Variants in CMKLR1 observed in about 807,000 individuals in gnomAD.
The protein encoded by CMKLR1 is chemerin-like receptor 1.
Under a neutral mutation model 8.2 loss-of-function variants are expected in CMKLR1, and 6 were observed. The observed-to-expected ratio is 0.73, with a 90% confidence interval of 0.40 to 1.44. The LOEUF (loss-of-function observed/expected upper bound fraction) is 1.44, where lower values mean the gene tolerates loss of function less well. Among genes scored for constraint, CMKLR1 ranks in the 40% most tolerant of loss-of-function variants. The pLI is 0.02. For synonymous variants in CMKLR1, 178 were observed against 181.2 expected, an observed-to-expected ratio of 0.98 and a Z score of 0.14; for missense variants, 429 against 478.0, an observed-to-expected ratio of 0.90 and a Z score of 0.96.
chr12:108,321,296 T>C (rs1238848482), intron 2 of CMKLR1, among the ~76,000 whole-genome samples: 3 of 152,048 alleles, frequency 2.0e-5, no homozygotes, highest in Non-Finnish European at 4.4e-5. Context: ...TAATGCAACA[T>C]TTTTTCAAAA....
intron 1 of CMKLR1, among the ~76,000 whole-genome samples, chr12:108,337,989 G>A (rs1295071632): frequency 1.3e-5 from 2 of 152,122 alleles, no homozygotes; most frequent in Non-Finnish European, 2.9e-5. Flanking sequence ...GGAAGTTGAG[G>A]GCTTTCCCTA....
At chr12:108,316,801 G>A (rs907636432) in intron 2 of CMKLR1, among the ~76,000 whole-genome samples, 1 of 152,172 alleles carries the variant, frequency 6.6e-6, no homozygotes, top group Non-Finnish European at 1.5e-5. Context: ...AGAAATGGGT[G>A]GGGCTTTTGC....
In CMKLR1 at chr12:108,291,747, G is replaced by T; in HGVS notation, c.*94C>A. The T allele has an allele frequency of 7.9e-7, 1 of 1,272,572 alleles. No homozygotes were observed. Among genetic ancestry groups the T allele is most frequent in the Non-Finnish European group, 1.1e-6 (1 of 911,726 alleles). The allele number at this position is 1,272,572 out of a possible 1,614,324, so 78.8% of individuals were successfully genotyped here. On this transcript the variant is annotated 3_prime_UTR_variant, in exon 4 of 4. Coordinates refer to ENST00000550402, the MANE Select transcript of CMKLR1 (RefSeq NM_001142343.2). ...CATGCAAAATGCAGTGAAAATTGGT[G>T]GATGCTAAAGAGGTTCTTGCCTTGA...
At chr12:108,307,870 G>A (rs1891449257) in intron 2 of CMKLR1, among the ~76,000 whole-genome samples, 1 of 152,110 alleles carries the variant, frequency 6.6e-6, no homozygotes, top group Non-Finnish European at 1.5e-5. Context: ...TGGGGCATGT[G>A]GACCACCCAA....
rs201961201 is a variant in CMKLR1 at position 108,292,381 on chromosome 12, G to A, written c.582C>T (p.Ser194=). 162 of 1,614,160 alleles carry A rather than the reference G, an allele frequency of 1.0e-4. No homozygotes were observed. In the African/African-American group the frequency reaches 1.8e-3, roughly 18 times the overall value. The stretch of plus-strand genomic sequence containing the variant: ...ACGAGGAAGACCCAGGTGTGGACAG[G>A]CTGAAGTTGTTGAAGCAGGATATTT... The part of the protein sequence containing the change: ...HGKISCFNNF[S]LSTPGSSSWP... Residue 194 remains serine (S), a synonymous_variant, in exon 4 of 4, where the codon AGC becomes AGT. Transcript: ENST00000550402.
intron 2 of CMKLR1, among the ~76,000 whole-genome samples, chr12:108,324,047 C>G (rs1362170823): frequency 6.6e-6 from 1 of 152,178 alleles, no homozygotes; most frequent in Non-Finnish European, 1.5e-5. Context: ...AGGTCTAGGG[C>G]TCCAGCAGGG....
intron 2 of CMKLR1, among the ~76,000 whole-genome samples, chr12:108,315,957 G>A (rs751373537): frequency 6.6e-6 from 1 of 152,152 alleles, no homozygotes; most frequent in Non-Finnish European, 1.5e-5. Context: ...TTACTGTTGG[G>A]TGAGTGAGGA....
chr12:108,290,306 A>G lies in CMKLR1; in HGVS notation c.*1535T>C, dbSNP rs1476644079. ...GAAGTTCAAATCCAAGCTCCGGCAGAGACTAGCTGGGTACCTTTGGGCAAG... is the reference window on the plus strand; with the variant it reads ...GAAGTTCAAATCCAAGCTCCGGCAGGGACTAGCTGGGTACCTTTGGGCAAG... On this transcript the variant is annotated 3_prime_UTR_variant, in exon 4 of 4. Transcript: ENST00000550402. 1 of 151,958 alleles carries G rather than the reference A, an allele frequency of 6.6e-6. No individual in the cohort carries two copies. The highest frequency in any genetic ancestry group is 1.5e-5 in the Non-Finnish European group (1 of 67,906). 9.4% of individuals were successfully genotyped at this position (151,958 alleles called of 1,614,324 possible).
intron 2 of CMKLR1, among the ~76,000 whole-genome samples, chr12:108,299,642 G>A (rs749993789): frequency 2.0e-5 from 3 of 152,160 alleles, no homozygotes; most frequent in Non-Finnish European, 4.4e-5. Context: ...TGCAGTCACC[G>A]TATAAGAGGA....
At chr12:108,304,460 G>A (rs546671938) in intron 2 of CMKLR1, among the ~76,000 whole-genome samples, 3 of 152,198 alleles carry the variant, frequency 2.0e-5, no homozygotes, top group East Asian at 1.9e-4. Flanking sequence ...TCTTTACATC[G>A]CAAAGCACTG....
At position 108,290,778 on chromosome 12, in the gene CMKLR1, G is replaced by C. The variant is rs912631492; in HGVS notation, c.*1063C>G. On this transcript the variant is annotated 3_prime_UTR_variant, in exon 4 of 4. Transcript: ENST00000550402. ...AGTCCAGCTCCAGACTCTGTCTCAA[G>C]TGACTGAGTCCTCGGACATACTCTT... is the stretch of plus-strand genomic sequence containing the variant. The C allele has an allele frequency of 3.9e-5, 6 of 152,244 alleles. No individual in the cohort carries two copies. The highest frequency in any genetic ancestry group is 1.4e-4 in the African/African-American group (6 of 41,444). The allele number at this position is 152,244 out of a possible 1,614,324, so 9.4% of individuals were successfully genotyped here.
intron 1 of CMKLR1, among the ~76,000 whole-genome samples, chr12:108,336,075 G>C (rs1247810418): frequency 2.0e-5 from 3 of 152,166 alleles, no homozygotes; most frequent in Non-Finnish European, 4.4e-5. Flanking sequence ...TTATTGTGCA[G>C]CAAAGAACCC....
chr12:108,323,181 C>A (rs981621152), intron 2 of CMKLR1, among the ~76,000 whole-genome samples: 2 of 152,170 alleles, frequency 1.3e-5, no homozygotes, highest in African/African-American at 4.8e-5. Context: ...AGTAAGGACA[C>A]TGCAAAACTA....
intron 1 of CMKLR1, among the ~76,000 whole-genome samples, chr12:108,333,871 T>C (rs1162691047): frequency 2.0e-5 from 3 of 152,248 alleles, no homozygotes; most frequent in Non-Finnish European, 4.4e-5. Context: ...GCTGCAAAAA[T>C]CTAGAGGTTC....
chr12:108,311,156 T>C (rs1294562355), intron 2 of CMKLR1, among the ~76,000 whole-genome samples: 3 of 152,162 alleles, frequency 2.0e-5, no homozygotes, highest in Non-Finnish European at 2.9e-5. Flanking sequence ...GTGATGACGA[T>C]GGAGAAGCAG....
At chr12:108,301,284 C>T (rs921963234) in intron 2 of CMKLR1, among the ~76,000 whole-genome samples, 3 of 151,862 alleles carry the variant, frequency 2.0e-5, no homozygotes, top group Non-Finnish European at 2.9e-5. Context: ...ACCATGTTAG[C>T]CAGGATGGTC....
rs942870821 is a variant in CMKLR1 at position 108,291,766 on chromosome 12, G to A, written c.*75C>T. The A allele has an allele frequency of 4.9e-6, 7 of 1,438,738 alleles. No individual in the cohort carries two copies. The Admixed American group carries it at 8.4e-5, about 17-fold the overall frequency. 89.1% of individuals were successfully genotyped at this position (1,438,738 alleles called of 1,614,324 possible). On this transcript the variant is annotated 3_prime_UTR_variant, in exon 4 of 4. Coordinates refer to ENST00000550402, the MANE Select transcript of CMKLR1 (RefSeq NM_001142343.2). ...ATTGGTGGATGCTAAAGAGGTTCTT[G>A]CCTTGATCTTCAGAAGACATATCCT...
chr12:108,336,172 T>C (rs1892216628), intron 1 of CMKLR1, among the ~76,000 whole-genome samples: 1 of 152,222 alleles, frequency 6.6e-6, no homozygotes, highest in Non-Finnish European at 1.5e-5. Flanking sequence ...TGCATCTGAA[T>C]GACCTGGGGT....
intron 2 of CMKLR1, among the ~76,000 whole-genome samples, chr12:108,306,626 A>C (rs1891415581): frequency 6.6e-6 from 1 of 152,212 alleles, no homozygotes; most frequent in South Asian, 2.1e-4. Flanking sequence ...CTAGTAGACA[A>C]ATCTTTTCAA....
Sources: gnomAD v4.1 joint callset for allele counts (sites outside exome capture counted in the v4.1 genomes callset) on GRCh38, gnomAD v4.1.1 for gene constraint, MANE v1.5 for transcripts, NCBI Gene and HGNC (gene_info 2026-07-23, HGNC 2026-07-21) for gene names.